The following NXPE2 variants were observed in gnomAD, a reference collection of about 807,000 sequenced individuals.
NXPE2 encodes the protein neurexophilin and PC-esterase domain family member 2, also known as NXPE family member 2.
A neutral mutation model predicts 34.4 loss-of-function variants in NXPE2; 34 were observed. That is an observed-to-expected ratio of 0.99 (90% CI 0.75 to 1.31). The LOEUF (loss-of-function observed/expected upper bound fraction) is 1.31, where lower values mean the gene tolerates loss of function less well. Among genes scored for constraint, NXPE2 ranks in the 40% most tolerant of loss-of-function variants. The probability of loss-of-function intolerance (pLI) is 0.00; values close to 1 mark genes in which losing one functional copy is unlikely to be tolerated. For synonymous variants in NXPE2, 235 were observed against 231.3 expected (o/e 1.02, Z -0.15); for missense variants, 649 against 672.5 (o/e 0.97, Z 0.39).
chr11:114,681,858 A>G (rs2135533108), intron 2 of NXPE2, among the ~76,000 whole-genome samples: 1 of 152,318 alleles, frequency 6.6e-6, no homozygotes, highest in South Asian at 2.1e-4. Flanking sequence ...TTTTTGGACT[A>G]TAGGGAACCT....
chr11:114,609,825 C>T, the NXPE2 span, among the ~76,000 whole-genome samples: 1 of 151,622 alleles, frequency 6.6e-6, no homozygotes, highest in Admixed American at 6.6e-5. Context: ...GGTGGATTAC[C>T]ATGGTAACCC....
the NXPE2 span, among the ~76,000 whole-genome samples, chr11:114,477,447 A>G: frequency 6.6e-6 from 1 of 152,212 alleles, no homozygotes; most frequent in Non-Finnish European, 1.5e-5. Context: ...ATATATCAAA[A>G]CATTACATGT....
Position 114,685,513 on chromosome 11 carries a change from T to C in NXPE2, c.132+5751T>C, listed in dbSNP as rs539105849. On this transcript the variant is annotated intron_variant, in intron 2 of 5. Coordinates refer to ENST00000389586, the MANE Select transcript of NXPE2 (RefSeq NM_182495.6). ...AGTCCCATCTCTTAATACCATCACA[T>C]TGAAAGTTAAGTTGTAACATACAAA... 2.6e-5 allele frequency among the ~76,000 whole-genome samples: 4 copies of C among 152,298 alleles called. No individual in the cohort carries two copies. The East Asian group carries it at 7.7e-4, about 29-fold the overall frequency.
At chr11:114,520,309 G>A in the NXPE2 span, among the ~76,000 whole-genome samples, 1 of 152,024 alleles carries the variant, frequency 6.6e-6, no homozygotes, top group Non-Finnish European at 1.5e-5. Context: ...CTGTTTCTAT[G>A]TGTAGTTTTT....
At chr11:114,775,111 T>G in the NXPE2 span, among the ~76,000 whole-genome samples, 1 of 152,240 alleles carries the variant, frequency 6.6e-6, no homozygotes, top group Admixed American at 6.5e-5. Context: ...TCTGGGGGAC[T>G]GCCAAGCTGC....
At chr11:114,709,739 A>C (rs937628454), downstream of NXPE2, among the ~76,000 whole-genome samples, 7 of 152,076 alleles carry the variant, frequency 4.6e-5, no homozygotes, top group African/African-American at 1.7e-4. Context: ...CCCTGTCTCT[A>C]CTAATCATAC....
chr11:114,520,428 A>G, the NXPE2 span, among the ~76,000 whole-genome samples: 6 of 152,270 alleles, frequency 3.9e-5, no homozygotes, highest in South Asian at 2.1e-4. Flanking sequence ...CACCCATGTT[A>G]TTGCAAATAT....
chr11:114,787,049 G>A, the NXPE2 span, among the ~76,000 whole-genome samples: 3 of 152,080 alleles, frequency 2.0e-5, no homozygotes, highest in Non-Finnish European at 2.9e-5. Context: ...TCCTGCTGCC[G>A]CCCGCAGCTC....
At chr11:114,602,332 ATGT>A in the NXPE2 span, among the ~76,000 whole-genome samples, 1 of 122,068 alleles carries the variant, frequency 8.2e-6, no homozygotes, top group African/African-American at 3.1e-5. Flanking sequence ...TACTATATAT[ATGT>A]TATCTATAAC....
chr11:114,603,045 A>T, the NXPE2 span, among the ~76,000 whole-genome samples: 1 of 151,586 alleles, frequency 6.6e-6, no homozygotes. Context: ...AACCGTATAT[A>T]ATAATTATTG....
the NXPE2 span, among the ~76,000 whole-genome samples, chr11:114,578,438 C>CTT: frequency 2.6e-5 from 4 of 152,236 alleles, no homozygotes; most frequent in African/African-American, 9.6e-5. Context: ...GAATGTGATG[C>CTT]TAAAGGCTGT....
chr11:114,489,724 A>G, the NXPE2 span, among the ~76,000 whole-genome samples: 2 of 152,238 alleles, frequency 1.3e-5, no homozygotes, highest in East Asian at 3.8e-4. Flanking sequence ...AATAAGAGCT[A>G]TCTATGACAA....
the NXPE2 span, chr11:114,529,161 T>C: frequency 4.7e-6 from 1 of 214,578 alleles, no homozygotes; most frequent in Non-Finnish European, 9.1e-6. Flanking sequence ...AACCTAGCAT[T>C]CTACTCTGTC....
chr11:114,601,785 A>G, the NXPE2 span, among the ~76,000 whole-genome samples: 1 of 67,474 alleles, frequency 1.5e-5, no homozygotes, highest in Non-Finnish European at 2.4e-5. Flanking sequence ...TAATTATATA[A>G]CATGTGATAT....
chr11:114,773,282 C>CCA, the NXPE2 span, among the ~76,000 whole-genome samples: 1 of 78,932 alleles, frequency 1.3e-5, no homozygotes, highest in African/African-American at 4.0e-5. Context: ...CACTCCCACC[C>CCA]CCCCCCCACC....
the NXPE2 span, among the ~76,000 whole-genome samples, chr11:114,506,588 C>G: frequency 6.6e-6 from 1 of 152,178 alleles, no homozygotes; most frequent in South Asian, 2.1e-4. Context: ...TCACCCACAA[C>G]TATACAATTA....
the NXPE2 span, among the ~76,000 whole-genome samples, chr11:114,563,160 G>T: frequency 1.3e-5 from 2 of 151,976 alleles, no homozygotes; most frequent in African/African-American, 4.8e-5. Flanking sequence ...AGGAAAAGAG[G>T]GGCCCTCTTT....
At chr11:114,599,858 A>G in the NXPE2 span, among the ~76,000 whole-genome samples, 2 of 152,194 alleles carry the variant, frequency 1.3e-5, no homozygotes, top group South Asian at 2.1e-4. Flanking sequence ...ACTGGGGATT[A>G]GAATTCAACA....
At chr11:114,536,253 T>A in the NXPE2 span, among the ~76,000 whole-genome samples, 9 of 152,244 alleles carry the variant, frequency 5.9e-5, no homozygotes, top group African/African-American at 1.9e-4. Flanking sequence ...AGACACAACA[T>A]ACCAGAATCT....
Sources: allele counts gnomAD v4.1 joint callset (sites outside exome capture counted in the v4.1 genomes callset), GRCh38; gene constraint gnomAD v4.1.1; transcripts MANE v1.5; gene names NCBI Gene and HGNC (gene_info 2026-07-23, HGNC 2026-07-21).